Variants in KDM4B observed in about 807,000 individuals in gnomAD.
KDM4B encodes lysine demethylase 4B, also known as lysine-specific demethylase 4B.
KDM4B carries 32 observed loss-of-function variants against 125.2 expected under a neutral mutation model. The ratio of observed to expected loss-of-function variants is 0.26; its 90% CI spans 0.19 to 0.34. The LOEUF is 0.34. KDM4B is among the 10% of genes least tolerant of loss of function. KDM4B has a pLI of 1.00. For synonymous variants in KDM4B, 721 were observed against 677.9 expected, an observed-to-expected ratio of 1.06 and a Z score of -0.99; for missense variants, 1,190 against 1,577.7, an observed-to-expected ratio of 0.75 and a Z score of 4.16.
At chr19:4,991,943 G>T (rs575848951) in intron 1 of KDM4B, among the ~76,000 whole-genome samples, 19 of 152,294 alleles carry the variant, frequency 1.2e-4, no homozygotes, top group African/African-American at 4.6e-4. Context: ...TTACTCAGTA[G>T]TTCTCCATAC....
intron 9 of KDM4B, among the ~76,000 whole-genome samples, chr19:5,085,378 C>T (rs1465666802): frequency 6.6e-6 from 1 of 152,198 alleles, no homozygotes; most frequent in East Asian, 1.9e-4. Context: ...GAGGACACCA[C>T]GGGTGTTGTG....
At chr19:5,028,537 CGTG>C (rs2036352632) in intron 2 of KDM4B, among the ~76,000 whole-genome samples, 1 of 152,222 alleles carries the variant, frequency 6.6e-6, no homozygotes, top group Non-Finnish European at 1.5e-5. Flanking sequence ...CTTCTGCAGA[CGTG>C]GTGTACACGT....
chr19:5,035,429 C>T lies in KDM4B; in HGVS notation c.141+2398C>T, dbSNP rs1011285884. Among the ~76,000 whole-genome samples the T allele has an allele frequency of 1.3e-5, 2 of 152,136 alleles. No homozygotes were observed. Among genetic ancestry groups the T allele is most frequent in the African/African-American group, 4.8e-5 (2 of 41,434 alleles). ...GCCCGCCCCGTCACTTCTTCCTCAT[C>T]CCTCACCTCCCACCGGGCTCCATGC... On this transcript the variant is annotated intron_variant, in intron 3 of 22. Transcript: ENST00000159111. The surrounding 1 kb of genome is among the most constrained non-coding windows in gnomAD (Gnocchi z 5.3).
intron 9 of KDM4B, among the ~76,000 whole-genome samples, chr19:5,084,350 T>C (rs942715021): frequency 6.9e-6 from 1 of 145,326 alleles, no homozygotes; most frequent in Non-Finnish European, 1.5e-5. Context: ...ATATTGTATG[T>C]AATTTATATA....
intron 6 of KDM4B, among the ~76,000 whole-genome samples, chr19:5,060,603 C>T (rs922945597): frequency 4.6e-5 from 7 of 152,050 alleles, no homozygotes; most frequent in Non-Finnish European, 7.4e-5. Flanking sequence ...CCACTGAGGT[C>T]GAATAATGCT....
At position 5,041,146 on chromosome 19, in the gene KDM4B, C is replaced by A; in HGVS notation, c.327C>A (p.Thr109=). 1 of 1,611,130 alleles carries A rather than the reference C, an allele frequency of 6.2e-7. No individual in the cohort carries two copies. Among genetic ancestry groups the A allele is most frequent in the Non-Finnish European group, 8.5e-7 (1 of 1,177,780 alleles). Residue 109 remains threonine, a synonymous_variant, in exon 5 of 23, where the codon ACC becomes ACA. Coordinates refer to ENST00000159111, the MANE Select transcript of KDM4B (RefSeq NM_015015.3). ...RRLANSEKYC[T]PRHQDFDDLE... ...GGTGTTTGTTCACCAGGTACTGTACCCCGCGGCACCAGGACTTTGATGACC... is the reference window on the plus strand; with the variant it reads ...GGTGTTTGTTCACCAGGTACTGTACACCGCGGCACCAGGACTTTGATGACC...
chr19:5,047,908 G>A (rs1054469342), intron 6 of KDM4B, among the ~76,000 whole-genome samples: 2 of 152,308 alleles, frequency 1.3e-5, no homozygotes, highest in East Asian at 1.9e-4. Context: ...TTTGTACCCC[G>A]GAGTGCCCCC....
intron 6 of KDM4B, among the ~76,000 whole-genome samples, chr19:5,065,989 CAG>C (rs1423923438): frequency 6.6e-6 from 1 of 152,216 alleles, no homozygotes; most frequent in Non-Finnish European, 1.5e-5. Context: ...GGTGCTGAAA[CAG>C]GGACATGCGG....
chr19:5,036,488 G>A lies in KDM4B; in HGVS notation c.142-3348G>A, dbSNP rs556328578. 2.0e-5 allele frequency among the ~76,000 whole-genome samples: 3 copies of A among 152,360 alleles called. No individual in the cohort carries two copies. In the South Asian group the frequency reaches 6.2e-4, roughly 32 times the overall value. ...AGGAGCCCTGGAAGGCCCCGTCGGG[G>A]GTCCTGTTGGGAGGGGTGGGAACTT... On this transcript the variant is annotated intron_variant, in intron 3 of 22. Coordinates refer to ENST00000159111, the MANE Select transcript of KDM4B (RefSeq NM_015015.3).
intron 21 of KDM4B, among the ~76,000 whole-genome samples, chr19:5,146,245 G>A (rs1484715234): frequency 1.2e-4 from 11 of 89,394 alleles, no homozygotes; most frequent in Middle Eastern, 0.01. Flanking sequence ...GACCCCCCCC[G>A]CTCCGCCGTG....
Position 5,081,770 on chromosome 19 carries a change from G to A in KDM4B, c.781-597G>A, listed in dbSNP as rs780535127. ...TTGAAAGATGGCTTGGGATGGCGGC[G>A]TGTCGCAGGCCCCTTCCTGGCGTGT... On this transcript the variant is annotated intron_variant, in intron 8 of 22. Transcript: ENST00000159111. This position sits in a 1 kb window ranked among gnomAD's most constrained non-coding sequence, Gnocchi z 4.2. Among the ~76,000 whole-genome samples the A allele has an allele frequency of 2.0e-5, 3 of 152,210 alleles. No homozygotes were observed. The highest frequency in any genetic ancestry group is 2.4e-5 in the African/African-American group (1 of 41,454).
Position 5,084,499 on chromosome 19 carries a change from ATATAT to A in KDM4B, c.918+2001_918+2005del, listed in dbSNP as rs996937342. 8.2e-5 allele frequency among the ~76,000 whole-genome samples: 10 copies of A among 121,662 alleles called. No individual in the cohort carries two copies. In the Admixed American group the frequency reaches 1.0e-3, roughly 13 times the overall value. The allele number at this position is 121,662 out of a possible 152,430, so 79.8% of individuals were successfully genotyped here. ...ATATAAATTATATATGTTATAATTT[ATATAT>A]TATATATAAATATAAATTATATATG... On this transcript the variant is annotated intron_variant, in intron 9 of 22. Coordinates refer to ENST00000159111, the MANE Select transcript of KDM4B (RefSeq NM_015015.3).
intron 11 of KDM4B, among the ~76,000 whole-genome samples, chr19:5,130,668 C>T (rs1216586842): frequency 2.0e-5 from 3 of 152,250 alleles, no homozygotes; most frequent in African/African-American, 7.2e-5. Context: ...GTGCTTCTCC[C>T]CCACCTCCAC....
intron 3 of KDM4B, among the ~76,000 whole-genome samples, chr19:5,033,258 C>T (rs1297681281): frequency 6.6e-6 from 1 of 152,244 alleles, no homozygotes; most frequent in Non-Finnish European, 1.5e-5. Flanking sequence ...CAGGCCCTGG[C>T]TCCAGGGAGC....
chr19:5,048,600 AGAGG>A (rs2037114136), intron 6 of KDM4B, among the ~76,000 whole-genome samples: 1 of 128,922 alleles, frequency 7.8e-6, no homozygotes, highest in Non-Finnish European at 1.7e-5. Flanking sequence ...GTAAGCGGGG[AGAGG>A]GGGGGGCGGG....
chr19:5,056,119 G>A (rs945899031), intron 6 of KDM4B, among the ~76,000 whole-genome samples: 1 of 151,032 alleles, frequency 6.6e-6, no homozygotes, highest in East Asian at 1.9e-4. Context: ...TTTATAGAAC[G>A]TCCCCTAATC....
rs1429793591 is a variant in KDM4B at position 5,114,345 on chromosome 19, C to CTG, written c.1115+3529_1115+3530dup. The CTG allele has an allele frequency of 1.4e-6, 1 of 736,274 alleles. No individual in the cohort carries two copies. The highest frequency in any genetic ancestry group is 2.1e-6 in the Non-Finnish European group (1 of 483,474). The allele number at this position is 736,274 out of a possible 1,614,324, so 45.6% of individuals were successfully genotyped here. A position where few individuals can be genotyped will look rare whatever the true frequency, so the allele number is the denominator to read the frequency against. ...CCTACCCCTCCGAGCTCGGTGCTGC[C>CTG]TGTCCCCTCCTGCTCTGCCTTGGCC... is the stretch of plus-strand genomic sequence containing the variant. On this transcript the variant is annotated intron_variant, in intron 10 of 22. Coordinates refer to ENST00000159111, the MANE Select transcript of KDM4B (RefSeq NM_015015.3). The surrounding 1 kb of genome is among the most constrained non-coding windows in gnomAD (Gnocchi z 5.8).
chr19:5,127,590 G>A lies in KDM4B; in HGVS notation c.1316-3486G>A, dbSNP rs562490031. 5.9e-5 allele frequency among the ~76,000 whole-genome samples: 9 copies of A among 152,276 alleles called. No homozygotes were observed. In the East Asian group the frequency reaches 1.4e-3, roughly 23 times the overall value. ...GGGGATGGGGTGGCACTCATCAGCC[G>A]GGCACCTGAGGCTCAAATTATGTCC... On this transcript the variant is annotated intron_variant, in intron 11 of 22. Transcript: ENST00000159111.
rs539631936 is a variant in KDM4B at position 5,050,004 on chromosome 19, C to T, written c.626+2335C>T. Among the ~76,000 whole-genome samples, 6 of 152,284 alleles carry T rather than the reference C, an allele frequency of 3.9e-5. No homozygotes were observed. In the East Asian group the frequency reaches 5.8e-4, roughly 15 times the overall value. On this transcript the variant is annotated intron_variant, in intron 6 of 22. Transcript: ENST00000159111. ...CAGGCCCCTGGGAGATGCTTCCCCC[C>T]TCTCCCTTCCTCGGGCCCTTGGGGT...
Sources: gnomAD v4.1 joint callset for allele counts (sites outside exome capture counted in the v4.1 genomes callset) on GRCh38, gnomAD v4.1.1 for gene constraint, Gnocchi (gnomAD v3.1) non-coding constraint, MANE v1.5 for transcripts, NCBI Gene and HGNC (gene_info 2026-07-23, HGNC 2026-07-21) for gene names.